TSHZ2: variants seen among roughly 807,000 people sequenced by gnomAD.
TSHZ2 encodes teashirt zinc finger homeobox 2, also known as teashirt homolog 2.
In TSHZ2, 21 loss-of-function variants were observed where a neutral mutation model predicts 74.4. That is an observed-to-expected ratio of 0.28 (90% confidence interval 0.20 to 0.41). TSHZ2 has a LOEUF of 0.41. Ranked by LOEUF, TSHZ2 falls within the 10% of genes least tolerant of loss-of-function variation. The pLI is 1.00. For missense variants in TSHZ2, 1,244 were observed against 1,293.5 expected (o/e 0.96, Z 0.59); for synonymous variants, 540 against 515.3 (o/e 1.05, Z -0.65).
intron 1 of TSHZ2, among the ~76,000 whole-genome samples, chr20:53,233,774 T>C (rs978069674): frequency 6.6e-6 from 1 of 152,184 alleles, no homozygotes; most frequent in Non-Finnish European, 1.5e-5. Flanking sequence ...TCAGACATTA[T>C]TAAATAGTTT....
At chr20:53,088,011 C>G (rs1038266639) in intron 1 of TSHZ2, among the ~76,000 whole-genome samples, 2 of 152,216 alleles carry the variant, frequency 1.3e-5, no homozygotes, top group African/African-American at 4.8e-5. Flanking sequence ...GCTTTGCCCC[C>G]TCTTGGAAGC....
At chr20:53,368,061 C>T (rs543931070) in intron 2 of TSHZ2, among the ~76,000 whole-genome samples, 77 of 152,132 alleles carry the variant, frequency 5.1e-4, no homozygotes, top group African/African-American at 1.8e-3. Context: ...AAATTGTTTT[C>T]CTCCCGCGCT....
chr20:53,324,018 T>C (rs1314782096), intron 2 of TSHZ2, among the ~76,000 whole-genome samples: 1 of 152,196 alleles, frequency 6.6e-6, no homozygotes, highest in African/African-American at 2.4e-5. Flanking sequence ...GACGCCCTGT[T>C]CATCTGTACA....
At chr20:53,456,222 G>T (rs1194994356) in intron 2 of TSHZ2, among the ~76,000 whole-genome samples, 2 of 150,030 alleles carry the variant, frequency 1.3e-5, no homozygotes, top group Admixed American at 6.6e-5. Flanking sequence ...TCCAGCACCT[G>T]TTGTTTCCTG....
intron 1 of TSHZ2, among the ~76,000 whole-genome samples, chr20:53,208,359 G>C (rs915514022): frequency 1.2e-4 from 19 of 152,100 alleles, no homozygotes; most frequent in African/African-American, 4.3e-4. Flanking sequence ...AGAAGACAGG[G>C]AGCTCACAGC....
intron 1 of TSHZ2, among the ~76,000 whole-genome samples, chr20:53,111,382 T>G (rs1004056957): frequency 6.6e-6 from 1 of 152,328 alleles, no homozygotes; most frequent in African/African-American, 2.4e-5. Context: ...CTTTACGGCA[T>G]AAAATAACAA....
At chr20:53,393,962 A>C (rs1318814997) in intron 2 of TSHZ2, among the ~76,000 whole-genome samples, 1 of 152,276 alleles carries the variant, frequency 6.6e-6, no homozygotes, top group Non-Finnish European at 1.5e-5. Flanking sequence ...AGGAAAAGTT[A>C]GGAATGGTTT....
At chr20:53,257,809 A>C (rs1990514553) in intron 2 of TSHZ2, among the ~76,000 whole-genome samples, 1 of 152,182 alleles carries the variant, frequency 6.6e-6, no homozygotes, top group Non-Finnish European at 1.5e-5. Flanking sequence ...ATTAGCTCTT[A>C]ATTCACGATC....
Position 53,288,555 on chromosome 20 carries a change from C to A in TSHZ2, c.*8+31984C>A, listed in dbSNP as rs79271792. Among the ~76,000 whole-genome samples, 1,106 of 152,216 alleles carry A rather than the reference C, an allele frequency of 7.3e-3. 5 individuals carry two copies. Among genetic ancestry groups the A allele is most frequent in the Non-Finnish European group, 0.011 (769 of 68,036 alleles). Reference sequence around the variant, plus strand: ...ATGAATAGTCTTGGCATCCCATCAACAGTGATTGGGAGGACCGCTCATTTA... The same window carrying A: ...ATGAATAGTCTTGGCATCCCATCAAAAGTGATTGGGAGGACCGCTCATTTA... On this transcript the variant is annotated intron_variant, in intron 2 of 2. Coordinates refer to ENST00000371497, the MANE Select transcript of TSHZ2 (RefSeq NM_173485.6).
chr20:53,476,572 T>C (rs1483924887), intron 2 of TSHZ2, among the ~76,000 whole-genome samples: 1 of 143,256 alleles, frequency 7.0e-6, no homozygotes, highest in Non-Finnish European at 1.5e-5. Context: ...GGGCAAAAAC[T>C]GGAAGCATTC....
At chr20:53,122,208 A>G (rs1237231218) in intron 1 of TSHZ2, among the ~76,000 whole-genome samples, 1 of 151,198 alleles carries the variant, frequency 6.6e-6, no homozygotes, top group Non-Finnish European at 1.5e-5. Context: ...GGGTCGATTG[A>G]GCCCAGCAGG....
intron 2 of TSHZ2, among the ~76,000 whole-genome samples, chr20:53,319,142 C>T (rs747681248): frequency 1.5e-4 from 23 of 152,160 alleles, no homozygotes; most frequent in Non-Finnish European, 2.9e-4. Flanking sequence ...GGTGGGGACA[C>T]GGCCAAACCA....
At chr20:53,482,202 G>T (rs6097447) in intron 2 of TSHZ2, among the ~76,000 whole-genome samples, 28,448 of 149,334 alleles carry the variant, frequency 0.19, 2,727 homozygotes, top group East Asian at 0.3. Flanking sequence ...TTCAGCACTT[G>T]AAAACAATAC....
intron 2 of TSHZ2, among the ~76,000 whole-genome samples, chr20:53,427,679 G>T (rs922836030): frequency 6.6e-6 from 1 of 152,164 alleles, no homozygotes; most frequent in Non-Finnish European, 1.5e-5. Context: ...TATTTTGAGG[G>T]TCTGAAGTGA....
chr20:53,103,258 T>G (rs1202655809), intron 1 of TSHZ2, among the ~76,000 whole-genome samples: 2 of 152,236 alleles, frequency 1.3e-5, no homozygotes, highest in Non-Finnish European at 2.9e-5. Context: ...TTCATTTTCC[T>G]GTATCCGAGC....
At chr20:53,463,460 A>AAGGAAGGT (rs1985461788) in intron 2 of TSHZ2, among the ~76,000 whole-genome samples, 1 of 142,106 alleles carries the variant, frequency 7.0e-6, no homozygotes, top group East Asian at 2.3e-4. Flanking sequence ...GGAAGGAAGG[A>AAGGAAGGT]AGGTTGGCTT....
chr20:53,475,224 C>T (rs1353269769), intron 2 of TSHZ2, among the ~76,000 whole-genome samples: 1 of 134,054 alleles, frequency 7.5e-6, no homozygotes, highest in Non-Finnish European at 1.6e-5. Context: ...AGCACCACAC[C>T]ACACCTATTC....
chr20:53,154,894 G>A (rs1456098250), intron 1 of TSHZ2, among the ~76,000 whole-genome samples: 1 of 151,764 alleles, frequency 6.6e-6, no homozygotes. Context: ...TATCATTATT[G>A]ACATGCATTT....
intron 2 of TSHZ2, among the ~76,000 whole-genome samples, chr20:53,439,399 C>T (rs949128681): frequency 6.6e-6 from 1 of 152,150 alleles, no homozygotes; most frequent in South Asian, 2.1e-4. Context: ...TGACCAAGTC[C>T]TTGACCTGTC....
Sources: gnomAD v4.1 joint callset for allele counts (sites outside exome capture counted in the v4.1 genomes callset) on GRCh38, gnomAD v4.1.1 for gene constraint, MANE v1.5 for transcripts, NCBI Gene and HGNC (gene_info 2026-07-23, HGNC 2026-07-21) for gene names.